The following TTBK2 variants were observed in gnomAD, a reference collection of about 807,000 sequenced individuals.
The protein encoded by TTBK2 is tau-tubulin kinase 2.
TTBK2 carries 28 observed loss-of-function variants against 110.8 expected under a neutral mutation model. The ratio of observed to expected loss-of-function variants is 0.25; its 90% CI spans 0.19 to 0.35. The LOEUF is 0.35. Among genes scored for constraint, TTBK2 ranks in the 10% least tolerant of loss-of-function variants. The pLI, the probability that TTBK2 is intolerant of heterozygous loss-of-function variation, is 1.00. For missense variants in TTBK2, 1,369 were observed against 1,500.3 expected, an observed-to-expected ratio of 0.91 and a Z score of 1.45; for synonymous variants, 532 against 527.3, an observed-to-expected ratio of 1.01 and a Z score of -0.12.
intron 4 of TTBK2, among the ~76,000 whole-genome samples, chr15:42,831,228 T>G (rs1485415678): frequency 1.3e-5 from 2 of 151,936 alleles, no homozygotes; most frequent in Non-Finnish European, 2.9e-5. Context: ...ATTTAAAGTT[T>G]TTTTGTGTGT....
chr15:42,799,507 C>T (rs532737021), intron 9 of TTBK2, among the ~76,000 whole-genome samples: 3 of 152,064 alleles, frequency 2.0e-5, no homozygotes, highest in Non-Finnish European at 2.9e-5. Context: ...GATCTCAGCT[C>T]ACTGCAACCT....
intron 13 of TTBK2, among the ~76,000 whole-genome samples, chr15:42,756,865 C>CAAAAAAA (rs200664379): frequency 6.7e-5 from 10 of 149,458 alleles, no homozygotes; most frequent in African/African-American, 2.3e-4. Context: ...TACCCCACCT[C>CAAAAAAA]AAAAAAAACA....
chr15:42,748,682 G>A (rs1034320249), intron 14 of TTBK2, among the ~76,000 whole-genome samples: 1 of 152,008 alleles, frequency 6.6e-6, no homozygotes, highest in African/African-American at 2.4e-5. Context: ...CAAAGTGCTG[G>A]GATTACAGGT....
At chr15:42,881,720 A>G (rs1460058195) in intron 1 of TTBK2, among the ~76,000 whole-genome samples, 1 of 151,898 alleles carries the variant, frequency 6.6e-6, no homozygotes, top group Non-Finnish European at 1.5e-5. Context: ...AAAAATACAA[A>G]AATTAGCGGG....
intron 3 of TTBK2, among the ~76,000 whole-genome samples, chr15:42,860,272 AAC>A (rs1484289473): frequency 6.6e-6 from 1 of 152,040 alleles, no homozygotes; most frequent in Non-Finnish European, 1.5e-5. Flanking sequence ...ATGCAAAACA[AAC>A]AAACAAACAA....
rs910820786 is a variant in TTBK2, at chr15:42,756,392, C to T, written c.1999-3145G>A. 6.6e-5 allele frequency among the ~76,000 whole-genome samples: 10 copies of T among 151,566 alleles called. No homozygotes were observed. In the South Asian group the frequency reaches 2.1e-3, roughly 32 times the overall value. On this transcript the variant is annotated intron_variant, in intron 13 of 14. Transcript: ENST00000267890. ...TCTGAAGTCAGGAGTTCAAGACCAG[C>T]CTGGCCAACATGGTGAAACCCTCTC...
At chr15:42,855,546 C>T (rs992847550) in intron 3 of TTBK2, among the ~76,000 whole-genome samples, 18 of 151,996 alleles carry the variant, frequency 1.2e-4, no homozygotes, top group South Asian at 8.3e-4. Flanking sequence ...GTGAAAGATA[C>T]GAAATTTAAG....
intron 4 of TTBK2, among the ~76,000 whole-genome samples, chr15:42,833,049 C>T (rs573749927): frequency 2.8e-4 from 43 of 151,628 alleles, no homozygotes; most frequent in Non-Finnish European, 4.9e-4. Flanking sequence ...GTCTACTGGA[C>T]GGGGAGGATT....
At chr15:42,764,924 AGCAATATTTGCTGTTCT>A (rs531506275) in intron 13 of TTBK2, among the ~76,000 whole-genome samples, 176 of 152,358 alleles carry the variant, frequency 1.2e-3, no homozygotes, top group African/African-American at 3.5e-3. Context: ...AGGATCAGGC[AGCAATATTTGCTGTTCT>A]GCAATATTTG....
At chr15:42,785,634 T>A (rs912305489) in intron 10 of TTBK2, among the ~76,000 whole-genome samples, 3 of 152,302 alleles carry the variant, frequency 2.0e-5, no homozygotes, top group Non-Finnish European at 4.4e-5. Flanking sequence ...ATTTATATGG[T>A]TGGTCATCGC....
At chr15:42,829,078 T>G (rs1186384740) in intron 5 of TTBK2, among the ~76,000 whole-genome samples, 1 of 152,222 alleles carries the variant, frequency 6.6e-6, no homozygotes, top group Non-Finnish European at 1.5e-5. Flanking sequence ...TACGTTAAAT[T>G]TAGTTAGCAT....
At chr15:42,763,516 A>G (rs1195785843) in intron 13 of TTBK2, among the ~76,000 whole-genome samples, 2 of 151,624 alleles carry the variant, frequency 1.3e-5, no homozygotes, top group African/African-American at 4.8e-5. Flanking sequence ...GTCTGGCCCA[A>G]TAATATATAT....
At chr15:42,907,211 C>T (rs377543629) in intron 1 of TTBK2, among the ~76,000 whole-genome samples, 2 of 152,032 alleles carry the variant, frequency 1.3e-5, no homozygotes, top group African/African-American at 2.4e-5. Flanking sequence ...GAAAGGGAAA[C>T]GCTCATACAC....
Position 42,874,589 on chromosome 15 carries a change from T to C in TTBK2, c.70-1831A>G, listed in dbSNP as rs186724186. On this transcript the variant is annotated intron_variant, in intron 2 of 14. Coordinates refer to ENST00000267890, the MANE Select transcript of TTBK2 (RefSeq NM_173500.4). ...ACCTCTGCCTCCCAAAGTGCTGGGA[T>C]TCCAGGCGTGAGCCACCACACCCGG... Among the ~76,000 whole-genome samples, 36 of 151,440 alleles carry C rather than the reference T, an allele frequency of 2.4e-4. 1 individual carries two copies. The East Asian group carries it at 6.9e-3, about 29-fold the overall frequency.
intron 4 of TTBK2, among the ~76,000 whole-genome samples, chr15:42,832,240 A>T (rs890349055): frequency 2.0e-5 from 3 of 152,216 alleles, no homozygotes; most frequent in Non-Finnish European, 2.9e-5. Context: ...AAAAATCAAA[A>T]TTGTGATGCC....
At chr15:42,870,121 C>A (rs949685097) in intron 3 of TTBK2, among the ~76,000 whole-genome samples, 5 of 151,908 alleles carry the variant, frequency 3.3e-5, no homozygotes, top group African/African-American at 1.2e-4. Flanking sequence ...TTGCAGTGAG[C>A]CGATATTGTG....
chr15:42,828,056 A>C (rs1380235224), intron 5 of TTBK2, 24 bp from the exon 6 acceptor site: 1 of 1,546,586 alleles, frequency 6.5e-7, no homozygotes, highest in African/African-American at 1.4e-5. Context: ...GAAGGAAAAT[A>C]TATACATTCT....
At chr15:42,916,005 G>T (rs114933699) in intron 1 of TTBK2, among the ~76,000 whole-genome samples, 2 of 148,764 alleles carry the variant, frequency 1.3e-5, no homozygotes, top group African/African-American at 5.2e-5. Flanking sequence ...GGAGCAAAAA[G>T]AAAAAAGAAA....
chr15:42,850,711 T>C (rs1893663750), intron 3 of TTBK2, among the ~76,000 whole-genome samples: 1 of 152,176 alleles, frequency 6.6e-6, no homozygotes, highest in Non-Finnish European at 1.5e-5. Context: ...AGAATCACAA[T>C]TTTTTTAAAG....
Sources: gnomAD v4.1 joint callset for allele counts (sites outside exome capture counted in the v4.1 genomes callset) on GRCh38, gnomAD v4.1.1 for gene constraint, MANE v1.5 for transcripts, NCBI Gene and HGNC (gene_info 2026-07-23, HGNC 2026-07-21) for gene names.